Variants in SUSD1 observed in about 807,000 individuals in gnomAD.
SUSD1 encodes sushi domain-containing protein 1.
A neutral mutation model predicts 86.9 loss-of-function variants in SUSD1; 65 were observed. The ratio of observed to expected loss-of-function variants is 0.75; its 90% CI spans 0.61 to 0.92. The LOEUF (loss-of-function observed/expected upper bound fraction) is 0.92, where lower values mean the gene tolerates loss of function less well. Ranked by LOEUF, SUSD1 falls within the 40% of genes least tolerant of loss-of-function variation. The pLI is 0.00. For synonymous variants in SUSD1, 346 were observed against 350.0 expected, an observed-to-expected ratio of 0.99 and a Z score of 0.13; for missense variants, 850 against 929.7, an observed-to-expected ratio of 0.91 and a Z score of 1.11.
chr9:112,063,583 T>A (rs1389717566), intron 12 of SUSD1, among the ~76,000 whole-genome samples: 4 of 152,128 alleles, frequency 2.6e-5, no homozygotes, highest in Admixed American at 1.3e-4. Context: ...GCCTTCAATA[T>A]CCTTTATAAT....
At chr9:112,135,848 C>T (rs1832240635) in intron 5 of SUSD1, among the ~76,000 whole-genome samples, 1 of 152,236 alleles carries the variant, frequency 6.6e-6, no homozygotes, top group African/African-American at 2.4e-5. Flanking sequence ...ATTAAATCTT[C>T]ACAATAGCTC....
At chr9:112,102,398 A>C (rs1830669256) in intron 8 of SUSD1, 113 bp from the exon 9 acceptor site, 1 of 484,052 alleles carries the variant, frequency 2.1e-6, no homozygotes, top group African/African-American at 2.0e-5. Context: ...GGTGTTTAAC[A>C]GGAATAATAT....
chr9:112,082,623 C>T (rs1227953591), intron 10 of SUSD1, among the ~76,000 whole-genome samples: 1 of 152,094 alleles, frequency 6.6e-6, no homozygotes, highest in African/African-American at 2.4e-5. Context: ...GAAACACAGG[C>T]CTACTGACAC....
intron 1 of SUSD1, among the ~76,000 whole-genome samples, chr9:112,164,025 A>G (rs1348662839): frequency 1.2e-4 from 18 of 152,054 alleles, no homozygotes; most frequent in African/African-American, 4.3e-4. Flanking sequence ...AATAAAAAAA[A>G]TAAAAAAACT....
chr9:112,115,895 G>A (rs940482957), intron 6 of SUSD1, among the ~76,000 whole-genome samples: 2 of 150,932 alleles, frequency 1.3e-5, no homozygotes, highest in South Asian at 2.1e-4. Flanking sequence ...CCTTCAGTTC[G>A]CCCCCTTGGG....
Position 112,120,059 on chromosome 9 carries a change from A to G in SUSD1, c.886+4198T>C, listed in dbSNP as rs567583484. 1.5e-3 allele frequency among the ~76,000 whole-genome samples: 235 copies of G among 152,238 alleles called. 1 individual carries two copies. Among genetic ancestry groups the G allele is most frequent in the African/African-American group, 5.3e-3 (220 of 41,554 alleles). ...GTGAACACGAAGACAGGGAAATATA[A>G]AATACACAGAGGCAGGAGGATGGCT... On this transcript the variant is annotated intron_variant, in intron 6 of 16. Coordinates refer to ENST00000374270, the MANE Select transcript of SUSD1 (RefSeq NM_022486.5).
chr9:112,149,375 G>C lies in SUSD1; in HGVS notation c.242C>G (p.Ala81Gly). Reference protein sequence around the residue: ...CVDKNECQFGATLVCGNHTSC... With the variant: ...CVDKNECQFGGTLVCGNHTSC... ...TGTGTGGTTCCCACAGACAAGAGTG[G>C]CTCCAAACTGGCACTCATTTTTATC... Residue 81 changes from alanine to glycine, a missense_variant, in exon 3 of 17, where the codon GCC (alanine) becomes GGC (glycine). Transcript: ENST00000374270. 1 of 1,614,084 alleles carries C rather than the reference G, an allele frequency of 6.2e-7. No individual in the cohort carries two copies. The highest frequency in any genetic ancestry group is 1.3e-5 in the African/African-American group (1 of 75,014).
At chr9:112,157,990 ATT>A (rs368323000) in intron 1 of SUSD1, among the ~76,000 whole-genome samples, 5 of 146,242 alleles carry the variant, frequency 3.4e-5, no homozygotes, top group African/African-American at 1.3e-4. Flanking sequence ...CACCTGGCTA[ATT>A]TTTTTTTTTC....
At chr9:112,109,081 T>C (rs1589667599) in intron 8 of SUSD1, among the ~76,000 whole-genome samples, 1 of 152,158 alleles carries the variant, frequency 6.6e-6, no homozygotes, top group East Asian at 1.9e-4. Context: ...CCAATATGTG[T>C]AGTATATCAA....
chr9:112,057,170 G>A (rs1828487257), intron 14 of SUSD1, among the ~76,000 whole-genome samples: 2 of 152,306 alleles, frequency 1.3e-5, no homozygotes, highest in South Asian at 4.1e-4. Flanking sequence ...ACTGTAAGAA[G>A]GCAGCTGTCC....
intron 2 of SUSD1, among the ~76,000 whole-genome samples, chr9:112,154,206 G>A (rs1281456615): frequency 6.6e-6 from 1 of 151,764 alleles, no homozygotes; most frequent in Admixed American, 6.6e-5. Flanking sequence ...ACTATCAGTG[G>A]GGCCAGGTGC....
rs575901420 is a variant in SUSD1, at chr9:112,109,435, G to A, written c.1171+2219C>T. Among the ~76,000 whole-genome samples the A allele has an allele frequency of 2.0e-5, 3 of 152,322 alleles. 1 individual carries two copies. In the South Asian group the frequency reaches 6.2e-4, roughly 32 times the overall value. The stretch of plus-strand genomic sequence containing the variant: ...CAGTGCATAAATAAACAGAAGACCT[G>A]AGTAGACACTGAGTAAATGTGGAAA... On this transcript the variant is annotated intron_variant, in intron 8 of 16. Coordinates refer to ENST00000374270, the MANE Select transcript of SUSD1 (RefSeq NM_022486.5).
intron 1 of SUSD1, among the ~76,000 whole-genome samples, chr9:112,172,193 T>C (rs2131870781): frequency 1.8e-5 from 1 of 54,526 alleles, no homozygotes; most frequent in African/African-American, 1.1e-4. Context: ...AGTGAGACTG[T>C]CTCAAAAAAA....
At chr9:112,042,536 A>T (rs1827788511) in intron 15 of SUSD1, among the ~76,000 whole-genome samples, 1 of 152,232 alleles carries the variant, frequency 6.6e-6, no homozygotes, top group South Asian at 2.1e-4. Flanking sequence ...GGACCATCAC[A>T]TGCCAACTCC....
At chr9:112,148,338 T>C (rs1348469750) in intron 3 of SUSD1, among the ~76,000 whole-genome samples, 2 of 152,188 alleles carry the variant, frequency 1.3e-5, no homozygotes, top group Admixed American at 1.3e-4. Flanking sequence ...GTCCCCACCC[T>C]GTATTCGACC....
intron 5 of SUSD1, among the ~76,000 whole-genome samples, chr9:112,127,509 G>A (rs1428265016): frequency 6.6e-6 from 1 of 151,592 alleles, no homozygotes; most frequent in African/African-American, 2.4e-5. Context: ...ACTGAGCAAA[G>A]TCCTTCCCCG....
At chr9:112,121,968 C>G (rs1831574234) in intron 6 of SUSD1, among the ~76,000 whole-genome samples, 1 of 152,200 alleles carries the variant, frequency 6.6e-6, no homozygotes, top group Non-Finnish European at 1.5e-5. Flanking sequence ...AGGAAAAAGA[C>G]TAACATGTGC....
chr9:112,158,053 A>G (rs700106), intron 1 of SUSD1, among the ~76,000 whole-genome samples: 100,919 of 151,384 alleles, frequency 0.67, 33,933 homozygotes, highest in African/African-American at 0.75. Flanking sequence ...CGAAATCCTG[A>G]GCTCTAGCAA....
At position 112,086,325 on chromosome 9, in the gene SUSD1, A is replaced by AT. The variant is rs1487716967; in HGVS notation, c.1475-6161dup. On this transcript the variant is annotated intron_variant, in intron 10 of 16. Transcript: ENST00000374270. ...TTGCCTCAAAAAAAAAAAAAAAAAA[A>AT]TCTGTTAAATAGAAAAATAAATATG... is the stretch of plus-strand genomic sequence containing the variant. 1.0e-3 allele frequency among the ~76,000 whole-genome samples: 157 copies of AT among 150,612 alleles called. 2 individuals carry two copies. The highest frequency in any genetic ancestry group is 3.5e-3 in the African/African-American group (141 of 40,788).
Sources: allele counts gnomAD v4.1 joint callset (sites outside exome capture counted in the v4.1 genomes callset), GRCh38; gene constraint gnomAD v4.1.1; transcripts MANE v1.5; gene names NCBI Gene and HGNC (gene_info 2026-07-23, HGNC 2026-07-21).